Variants in NEO1 observed in about 807,000 individuals in gnomAD.
NEO1 encodes neogenin.
Under a neutral mutation model 159.7 loss-of-function variants are expected in NEO1, and 63 were observed. The ratio of observed to expected loss-of-function variants is 0.39; its 90% confidence interval spans 0.32 to 0.49. NEO1 has a LOEUF of 0.49. NEO1 is among the 20% of genes least tolerant of loss of function. The probability of loss-of-function intolerance (pLI) is 0.85; values close to 1 mark genes in which losing one functional copy is unlikely to be tolerated. For missense variants in NEO1, 1,615 were observed against 1,831.0 expected (o/e 0.88, Z 2.15); for synonymous variants, 633 against 662.0 (o/e 0.96, Z 0.67).
rs2041297932 is a variant in NEO1, at chr15:73,274,115, T to C, written c.3160+110T>C. On this transcript the variant is annotated intron_variant, in intron 20 of 28. Transcript: ENST00000261908. ...TGGATAGTATATGAAGTCTTAATGA[T>C]GAGCTTGTGAGCCATGATGTGAAGA... is the stretch of plus-strand genomic sequence containing the variant. 3 of 997,020 alleles carry C rather than the reference T, an allele frequency of 3.0e-6. No homozygotes were observed. In the East Asian group the frequency reaches 7.8e-5, roughly 26 times the overall value. 61.8% of individuals were successfully genotyped at this position (997,020 alleles called of 1,614,324 possible). A position where few individuals can be genotyped will look rare whatever the true frequency, so the allele number is the denominator to read the frequency against.
chr15:73,072,856 G>A (rs1380879985), intron 1 of NEO1, among the ~76,000 whole-genome samples: 1 of 152,124 alleles, frequency 6.6e-6, no homozygotes, highest in Non-Finnish European at 1.5e-5. Context: ...TGATAAAGTA[G>A]AATTTGGTGA....
At chr15:73,119,569 T>C (rs1486523648) in intron 2 of NEO1, among the ~76,000 whole-genome samples, 3 of 152,188 alleles carry the variant, frequency 2.0e-5, no homozygotes, top group Non-Finnish European at 4.4e-5. Context: ...ATTGTTAATA[T>C]CTTCTTGTCA....
intron 1 of NEO1, among the ~76,000 whole-genome samples, chr15:73,092,085 ATATT>A (rs1368452875): frequency 6.6e-6 from 1 of 152,218 alleles, no homozygotes; most frequent in Non-Finnish European, 1.5e-5. Flanking sequence ...TACCTTTAGA[ATATT>A]TATTTATGCT....
At chr15:73,301,557 C>A in intron 28 of NEO1, 100 bp downstream of exon 28, 1 of 1,480,478 alleles carries the variant, frequency 6.8e-7, no homozygotes, top group Non-Finnish European at 9.2e-7. Flanking sequence ...ACCAGGCCCG[C>A]CACCCAGAAC....
At chr15:73,241,458 T>C (rs537988698) in intron 8 of NEO1, among the ~76,000 whole-genome samples, 11 of 152,330 alleles carry the variant, frequency 7.2e-5, no homozygotes, top group African/African-American at 2.6e-4. Flanking sequence ...TCTTGGCCTA[T>C]AAATATTTAC....
intron 7 of NEO1, among the ~76,000 whole-genome samples, chr15:73,219,094 A>G (rs1207468952): frequency 2.0e-5 from 3 of 149,310 alleles, no homozygotes; most frequent in African/African-American, 2.5e-5. Context: ...ACTGCTTTGA[A>G]TGCGTCCCAG....
intron 1 of NEO1, among the ~76,000 whole-genome samples, chr15:73,115,254 G>A (rs1215663897): frequency 6.6e-6 from 1 of 152,150 alleles, no homozygotes; most frequent in Non-Finnish European, 1.5e-5. Flanking sequence ...TGTTGGCCAG[G>A]CTGGTCTCGA....
intron 7 of NEO1, among the ~76,000 whole-genome samples, chr15:73,208,563 A>G (rs2037367677): frequency 6.6e-6 from 1 of 152,170 alleles, no homozygotes; most frequent in Non-Finnish European, 1.5e-5. Flanking sequence ...TACAGAATCT[A>G]TAAAAATCTT....
chr15:73,137,908 C>T (rs1468765530), intron 5 of NEO1, among the ~76,000 whole-genome samples: 2 of 152,016 alleles, frequency 1.3e-5, no homozygotes, highest in Admixed American at 6.6e-5. Flanking sequence ...GGAGTAAAAT[C>T]TAAGAGATAC....
At chr15:73,220,767 T>G (rs2038197820) in intron 7 of NEO1, among the ~76,000 whole-genome samples, 1 of 152,266 alleles carries the variant, frequency 6.6e-6, no homozygotes, top group Non-Finnish European at 1.5e-5. Flanking sequence ...AGCCTTGCTT[T>G]CAGCTCCATC....
intron 5 of NEO1, among the ~76,000 whole-genome samples, chr15:73,139,890 T>C (rs746520041): frequency 1.2e-4 from 18 of 152,212 alleles, no homozygotes; most frequent in Non-Finnish European, 2.2e-4. Flanking sequence ...AAATATTTAC[T>C]GTCTGGCTCT....
chr15:73,201,855 C>T (rs538831935), intron 7 of NEO1, among the ~76,000 whole-genome samples: 19 of 150,946 alleles, frequency 1.3e-4, no homozygotes, highest in Non-Finnish European at 2.4e-4. Flanking sequence ...CTGAAGTCTG[C>T]TTTGTCTAGT....
intron 9 of NEO1, among the ~76,000 whole-genome samples, chr15:73,246,486 A>T (rs1451611993): frequency 6.6e-6 from 1 of 152,206 alleles, no homozygotes; most frequent in African/African-American, 2.4e-5. Context: ...CATTCATGAG[A>T]GATACTAGGA....
intron 4 of NEO1, among the ~76,000 whole-genome samples, chr15:73,133,519 A>C (rs2031391654): frequency 6.6e-6 from 1 of 152,168 alleles, no homozygotes; most frequent in South Asian, 2.1e-4. Context: ...ATGTAACCAA[A>C]CGCAACCTGT....
intron 1 of NEO1, among the ~76,000 whole-genome samples, chr15:73,097,649 C>G (rs1045590343): frequency 8.6e-5 from 13 of 152,036 alleles, no homozygotes; most frequent in Non-Finnish European, 1.9e-4. Flanking sequence ...GCGCGAGCCA[C>G]TATGCCCAGC....
intron 5 of NEO1, among the ~76,000 whole-genome samples, chr15:73,167,895 TG>T (rs2034684468): frequency 1.3e-5 from 2 of 152,324 alleles, no homozygotes; most frequent in Admixed American, 6.5e-5. Context: ...CAAATGTTGG[TG>T]CTGAAATTTC....
At chr15:73,302,551 G>C in intron 28 of NEO1, 62 bp from the exon 29 acceptor site, 2 of 1,495,266 alleles carry the variant, frequency 1.3e-6, no homozygotes, top group Non-Finnish European at 1.8e-6. Context: ...GCCTCTCTCT[G>C]GGCTCTCCTT....
Position 73,302,624 on chromosome 15 carries a change from A to C in NEO1, c.4314A>C (p.Pro1438=), listed in dbSNP as rs2042666693. 1.9e-6 allele frequency: 3 copies of C among 1,614,028 alleles called. No individual in the cohort carries two copies. The highest frequency in any genetic ancestry group is 2.5e-6 in the Non-Finnish European group (3 of 1,179,926). The change falls in exon 29 of 29, where the codon CCA becomes CCC. Residue 1438 remains proline, a synonymous_variant. Coordinates refer to ENST00000261908, the MANE Select transcript of NEO1 (RefSeq NM_002499.4). ...TTTCTTTTCCATAGAGCTATGAACCAGATGAGCTGACCAAAGAGATGGCCC... is the reference window on the plus strand; with the variant it reads ...TTTCTTTTCCATAGAGCTATGAACCCGATGAGCTGACCAAAGAGATGGCCC... ...MLEDSESSYE[P]DELTKEMAHL...
Position 73,211,093 on chromosome 15 carries a change from G to A in NEO1, c.1292-25254G>A, listed in dbSNP as rs555746659. Among the ~76,000 whole-genome samples, 7 of 152,282 alleles carry A rather than the reference G, an allele frequency of 4.6e-5. No homozygotes were observed. In the East Asian group the frequency reaches 1.3e-3, roughly 29 times the overall value. ...TTACAGTGGTACTTCTTTGAAAGAG[G>A]TTGTCTGATAATTATTGTAATATCT... On this transcript the variant is annotated intron_variant, in intron 7 of 28. Coordinates refer to ENST00000261908, the MANE Select transcript of NEO1 (RefSeq NM_002499.4).
Sources: allele counts gnomAD v4.1 joint callset (sites outside exome capture counted in the v4.1 genomes callset), GRCh38; gene constraint gnomAD v4.1.1; transcripts MANE v1.5; gene names NCBI Gene and HGNC (gene_info 2026-07-23, HGNC 2026-07-21).